The following MAML2 variants were observed in gnomAD, a reference collection of about 807,000 sequenced individuals.
MAML2 encodes the protein mastermind-like protein 2.
In MAML2, 22 loss-of-function variants were observed where a neutral mutation model predicts 96.1. The observed-to-expected ratio is 0.23, with a 90% confidence interval of 0.16 to 0.33. The LOEUF (loss-of-function observed/expected upper bound fraction) is 0.33, where lower values mean the gene tolerates loss of function less well. Ranked by LOEUF, MAML2 falls within the 10% of genes least tolerant of loss-of-function variation. MAML2 has a pLI of 1.00. For synonymous variants in MAML2, 561 were observed against 521.3 expected, an observed-to-expected ratio of 1.08 and a Z score of -1.04; for missense variants, 1,367 against 1,392.4, an observed-to-expected ratio of 0.98 and a Z score of 0.29.
chr11:96,229,447 T>C (rs1862259412), intron 1 of MAML2, among the ~76,000 whole-genome samples: 1 of 150,922 alleles, frequency 6.6e-6, no homozygotes, highest in African/African-American at 2.4e-5. Context: ...GGAAGCCCTC[T>C]GAATCTCCAC....
At chr11:96,126,866 G>A (rs1439941535) in intron 1 of MAML2, among the ~76,000 whole-genome samples, 2 of 152,122 alleles carry the variant, frequency 1.3e-5, no homozygotes, top group Non-Finnish European at 2.9e-5. Context: ...AAAAAAACAT[G>A]GAGAACTAAG....
At chr11:96,147,857 G>A (rs187270126) in intron 1 of MAML2, among the ~76,000 whole-genome samples, 51 of 152,284 alleles carry the variant, frequency 3.3e-4, no homozygotes, top group Middle Eastern at 3.4e-3. Context: ...CCTGTGTTGT[G>A]TCTTAAAAGG....
intron 1 of MAML2, among the ~76,000 whole-genome samples, chr11:96,249,303 G>A (rs976244032): frequency 2.0e-5 from 3 of 151,828 alleles, no homozygotes; most frequent in African/African-American, 4.8e-5. Flanking sequence ...CTGTTCAAAC[G>A]CCTCTTCTTT....
rs77191473 is a variant in MAML2 at position 96,063,182 on chromosome 11, T to C, written c.2139+28710A>G. Among the ~76,000 whole-genome samples the C allele has an allele frequency of 2.2e-3, 333 of 152,296 alleles. 1 individual carries two copies. Among genetic ancestry groups the C allele is most frequent in the African/African-American group, 7.5e-3 (313 of 41,552 alleles). On this transcript the variant is annotated intron_variant, in intron 2 of 4. Transcript: ENST00000524717. Reference sequence around the variant, plus strand: ...CTTGGCCTGGGACATGCTGTACACCTATCTCCACCTCTGTTGCTGACTCTG... The same window carrying C: ...CTTGGCCTGGGACATGCTGTACACCCATCTCCACCTCTGTTGCTGACTCTG...
intron 2 of MAML2, among the ~76,000 whole-genome samples, chr11:96,038,503 G>T (rs974355486): frequency 1.3e-5 from 2 of 152,186 alleles, no homozygotes; most frequent in Admixed American, 6.5e-5. Flanking sequence ...CTATTCAATC[G>T]CTTAGAACTT....
intron 1 of MAML2, among the ~76,000 whole-genome samples, chr11:96,238,856 T>TTAAAAAGG (rs1405131895): frequency 6.6e-6 from 1 of 152,184 alleles, no homozygotes; most frequent in Non-Finnish European, 1.5e-5. Flanking sequence ...AAGAGAGAAT[T>TTAAAAAGG]TAAAAAGGGA....
At chr11:96,270,274 A>G (rs1862897216) in intron 1 of MAML2, among the ~76,000 whole-genome samples, 1 of 152,122 alleles carries the variant, frequency 6.6e-6, no homozygotes, top group Non-Finnish European at 1.5e-5. Flanking sequence ...TATCCAACAA[A>G]TACCACTTCT....
At chr11:96,329,248 T>G (rs1176025080) in intron 1 of MAML2, among the ~76,000 whole-genome samples, 2 of 152,162 alleles carry the variant, frequency 1.3e-5, no homozygotes, top group Non-Finnish European at 2.9e-5. Context: ...CCTATAAATG[T>G]GTTTCTCAAA....
intron 1 of MAML2, among the ~76,000 whole-genome samples, chr11:96,271,643 AGAT>A (rs1320117314): frequency 3.3e-5 from 5 of 152,142 alleles, no homozygotes; most frequent in Non-Finnish European, 5.9e-5. Context: ...ATGTGAAGAA[AGAT>A]GTGTTTGCTT....
chr11:96,113,608 A>AAC (rs2135835474), intron 1 of MAML2, among the ~76,000 whole-genome samples: 1 of 151,418 alleles, frequency 6.6e-6, no homozygotes, highest in Admixed American at 6.6e-5. Context: ...TTGTTTGAAA[A>AAC]AAAAAAAAAA....
chr11:96,034,202 T>A (rs141753417), intron 2 of MAML2, among the ~76,000 whole-genome samples: 4 of 152,328 alleles, frequency 2.6e-5, no homozygotes, highest in African/African-American at 9.6e-5. Context: ...AACATTGTAG[T>A]ACTTTAGGTG....
At chr11:96,174,229 A>G (rs1861347388) in intron 1 of MAML2, among the ~76,000 whole-genome samples, 1 of 152,154 alleles carries the variant, frequency 6.6e-6, no homozygotes, top group African/African-American at 2.4e-5. Flanking sequence ...CTGCATGAAT[A>G]GGAAGTCCTG....
chr11:95,996,996 A>G (rs760005028), intron 2 of MAML2, among the ~76,000 whole-genome samples: 6 of 152,134 alleles, frequency 3.9e-5, no homozygotes, highest in Non-Finnish European at 7.4e-5. Context: ...TGTGATTGTG[A>G]AAGAATTAGG....
intron 1 of MAML2, among the ~76,000 whole-genome samples, chr11:96,294,631 C>T (rs1007999933): frequency 3.9e-5 from 6 of 152,150 alleles, no homozygotes; most frequent in African/African-American, 7.2e-5. Context: ...GTAACGAATT[C>T]TTACCCCTTA....
At chr11:96,219,432 G>A (rs1862099523) in intron 1 of MAML2, among the ~76,000 whole-genome samples, 1 of 152,006 alleles carries the variant, frequency 6.6e-6, no homozygotes, top group African/African-American at 2.4e-5. Context: ...TTCATTTGAC[G>A]TTTAACATAT....
intron 1 of MAML2, among the ~76,000 whole-genome samples, chr11:96,243,163 T>A (rs1392276223): frequency 6.6e-6 from 1 of 152,108 alleles, no homozygotes; most frequent in Admixed American, 6.5e-5. Context: ...CCAGTAGAGT[T>A]TATTTAATGT....
intron 1 of MAML2, among the ~76,000 whole-genome samples, chr11:96,122,240 T>C (rs1016214756): frequency 6.6e-6 from 1 of 152,068 alleles, no homozygotes; most frequent in Non-Finnish European, 1.5e-5. Flanking sequence ...CCTCCTGACT[T>C]GCAGATAATC....
chr11:96,213,104 T>C (rs894805424), intron 1 of MAML2, among the ~76,000 whole-genome samples: 22 of 152,128 alleles, frequency 1.4e-4, no homozygotes, highest in African/African-American at 5.3e-4. Flanking sequence ...GTGACCAAGA[T>C]ACAGAGAGTT....
intron 1 of MAML2, among the ~76,000 whole-genome samples, chr11:96,277,913 G>A (rs1324099190): frequency 2.5e-5 from 3 of 120,416 alleles, no homozygotes; most frequent in Non-Finnish European, 5.6e-5. Flanking sequence ...CCCTTCTGTG[G>A]GAACTTTTTT....
Sources: allele counts gnomAD v4.1 joint callset (sites outside exome capture counted in the v4.1 genomes callset), GRCh38; gene constraint gnomAD v4.1.1; transcripts MANE v1.5; gene names NCBI Gene and HGNC (gene_info 2026-07-23, HGNC 2026-07-21).